Variants in VPS13B observed in about 807,000 individuals in gnomAD.
The protein encoded by VPS13B is vacuolar protein sorting 13 homolog B, also known as intermembrane lipid transfer protein VPS13B.
In VPS13B, 285 loss-of-function variants were observed where a neutral mutation model predicts 426.4. The observed-to-expected ratio is 0.67, with a 90% CI of 0.61 to 0.74. The LOEUF is 0.74. Among genes scored for constraint, VPS13B ranks in the 30% least tolerant of loss-of-function variants. VPS13B has a pLI of 0.00. For missense variants in VPS13B, 4,537 were observed against 4,782.6 expected (o/e 0.95, Z 1.51); for synonymous variants, 1,676 against 1,676.4 (o/e 1.00, Z 0.01).
At chr8:99,792,513 G>A (rs1367584323) in intron 43 of VPS13B, among the ~76,000 whole-genome samples, 2 of 152,134 alleles carry the variant, frequency 1.3e-5, no homozygotes, top group East Asian at 3.9e-4. Flanking sequence ...GGACCCTTTT[G>A]TAAGGAGAGA....
At chr8:99,519,019 T>G (rs1448560622) in intron 29 of VPS13B, among the ~76,000 whole-genome samples, 2 of 152,210 alleles carry the variant, frequency 1.3e-5, no homozygotes, top group East Asian at 3.8e-4. Flanking sequence ...ATTGTTAACA[T>G]TTTTTAAACA....
chr8:99,342,735 A>T (rs1271077468), intron 19 of VPS13B, among the ~76,000 whole-genome samples: 1 of 152,114 alleles, frequency 6.6e-6, no homozygotes, highest in Non-Finnish European at 1.5e-5. Context: ...TGACATATTT[A>T]TTTCAGTTCC....
intron 16 of VPS13B, among the ~76,000 whole-genome samples, chr8:99,181,018 AT>A (rs1412541341): frequency 6.6e-6 from 1 of 152,182 alleles, no homozygotes; most frequent in African/African-American, 2.4e-5. Context: ...ATCCATCAAA[AT>A]CTGTAAGCAT....
chr8:99,362,191 G>A (rs569414801), intron 19 of VPS13B, among the ~76,000 whole-genome samples: 1 of 137,118 alleles, frequency 7.3e-6, no homozygotes, highest in South Asian at 2.2e-4. Flanking sequence ...CGCCCAGGCT[G>A]GAGTGCAGTG....
intron 61 of VPS13B, chr8:99,873,214 T>G (rs1239739608): frequency 2.0e-5 from 3 of 152,206 alleles, no homozygotes; most frequent in Non-Finnish European, 4.4e-5. Flanking sequence ...TGCAGATTTC[T>G]TTTGCTGTTG....
chr8:99,229,880 A>G lies in VPS13B; in HGVS notation c.2515+36823A>G, dbSNP rs193089380. 5.2e-3 allele frequency among the ~76,000 whole-genome samples: 793 copies of G among 152,306 alleles called. 5 individuals carry two copies. The highest frequency in any genetic ancestry group is 0.018 in the African/African-American group (733 of 41,558). On this transcript the variant is annotated intron_variant, in intron 17 of 61. Coordinates refer to ENST00000357162, the MANE Select transcript of VPS13B (RefSeq NM_152564.5). Reference sequence around the variant, plus strand: ...ATACAGTTTGACTTATGGTTTAGAAAGTTTACTCCTGCTTACCTGTTTCCA... The same window carrying G: ...ATACAGTTTGACTTATGGTTTAGAAGGTTTACTCCTGCTTACCTGTTTCCA...
At position 99,339,554 on chromosome 8, in the gene VPS13B, G is replaced by A. The variant is rs976411020; in HGVS notation, c.2825-44654G>A. 2.6e-5 allele frequency among the ~76,000 whole-genome samples: 4 copies of A among 151,836 alleles called. No individual in the cohort carries two copies. In the East Asian group the frequency reaches 7.7e-4, roughly 29 times the overall value. On this transcript the variant is annotated intron_variant, in intron 19 of 61. Coordinates refer to ENST00000357162, the MANE Select transcript of VPS13B (RefSeq NM_152564.5). The stretch of plus-strand genomic sequence containing the variant: ...CCCACCAGGCCCCACCTCCAACACT[G>A]GAGATTACAGTTTGACATGAGATTT...
intron 17 of VPS13B, among the ~76,000 whole-genome samples, chr8:99,250,281 G>T (rs1047417393): frequency 6.6e-6 from 1 of 152,088 alleles, no homozygotes; most frequent in African/African-American, 2.4e-5. Context: ...TAGTCCTTCA[G>T]CTATATGGTT....
chr8:99,593,262 A>T (rs893807125), intron 33 of VPS13B, among the ~76,000 whole-genome samples: 1 of 152,152 alleles, frequency 6.6e-6, no homozygotes, highest in African/African-American at 2.4e-5. Flanking sequence ...ACGTGGACAG[A>T]TACTTCTCAA....
intron 17 of VPS13B, chr8:99,234,050 G>A (rs1217276361): frequency 1.2e-5 from 9 of 775,496 alleles, no homozygotes; most frequent in Non-Finnish European, 1.9e-5. Flanking sequence ...GGTTGGATCC[G>A]CAGCGGGAAA....
chr8:99,740,613 AC>A (rs1279656801), intron 39 of VPS13B, among the ~76,000 whole-genome samples: 1 of 152,226 alleles, frequency 6.6e-6, no homozygotes, highest in Non-Finnish European at 1.5e-5. Flanking sequence ...CATCATGCTA[AC>A]AGCTGATCTC....
chr8:99,849,935 A>G (rs1162424022), intron 55 of VPS13B, among the ~76,000 whole-genome samples: 3 of 143,648 alleles, frequency 2.1e-5, no homozygotes, highest in Non-Finnish European at 3.0e-5. Flanking sequence ...GTACGCATGT[A>G]TGTACTTATA....
intron 3 of VPS13B, among the ~76,000 whole-genome samples, chr8:99,053,173 G>A (rs969572758): frequency 3.3e-5 from 5 of 151,224 alleles, no homozygotes; most frequent in African/African-American, 1.2e-4. Context: ...AAGTTTTAGG[G>A]TACATGTGCA....
intron 17 of VPS13B, among the ~76,000 whole-genome samples, chr8:99,225,085 A>G (rs745948059): frequency 2.6e-5 from 4 of 152,108 alleles, no homozygotes; most frequent in Middle Eastern, 3.4e-3. Flanking sequence ...TTGTCTTTTT[A>G]TCGTTGATCT....
At chr8:99,832,341 A>ATGTTTTTTTTTTTTTTTTTTTTTT in intron 51 of VPS13B, 28 bp from the exon 52 acceptor site, 1 of 1,192,552 alleles carries the variant, frequency 8.4e-7, no homozygotes, top group African/African-American at 2.2e-5. Context: ...TGCTCTCTGC[A>ATGTTTTTTTTTTTTTTTTTTTTTT]TTTTTTTTTT....
At chr8:99,083,926 A>G (rs1464459595) in intron 3 of VPS13B, among the ~76,000 whole-genome samples, 1 of 149,186 alleles carries the variant, frequency 6.7e-6, no homozygotes, top group Non-Finnish European at 1.5e-5. Flanking sequence ...GTCTTTTTGT[A>G]TTGTGTCTCT....
chr8:99,687,066 A>C (rs779817468), intron 35 of VPS13B, among the ~76,000 whole-genome samples: 12 of 151,972 alleles, frequency 7.9e-5, no homozygotes, highest in Non-Finnish European at 1.2e-4. Context: ...ATGGCTCTTC[A>C]GTCAGCAGGT....
At chr8:99,046,269 T>C (rs1297194195) in intron 3 of VPS13B, among the ~76,000 whole-genome samples, 2 of 152,180 alleles carry the variant, frequency 1.3e-5, no homozygotes, top group Non-Finnish European at 2.9e-5. Context: ...CTTGGTTAGG[T>C]ATATTCCTAA....
Position 99,431,543 on chromosome 8 carries a change from G to T in VPS13B, c.3089G>T (p.Arg1030Leu), listed in dbSNP as rs182764947. 1 of 1,613,176 alleles carries T rather than the reference G, an allele frequency of 6.2e-7. No individual in the cohort carries two copies. The change falls in exon 22 of 62, where the codon CGC (arginine) becomes CTC (leucine). Residue 1030 changes from arginine to leucine, a missense_variant. Physicochemically the swap from Arg to Leu is moderately radical, Grantham distance 102 (BLOSUM62 -2). Transcript: ENST00000357162. ...PVKTKTVTESRPLSVPVKAML... is the reference protein window; with the variant it reads ...PVKTKTVTESLPLSVPVKAML... The stretch of plus-strand genomic sequence containing the variant: ...TAGCTATTCTCGTACTCAGAATCCC[G>T]CCCATTGTCAGTTCCTGTTAAAGCC...
Sources: allele counts gnomAD v4.1 joint callset (sites outside exome capture counted in the v4.1 genomes callset), GRCh38; gene constraint gnomAD v4.1.1; transcripts MANE v1.5; gene names NCBI Gene and HGNC (gene_info 2026-07-23, HGNC 2026-07-21).